Variants in HECW1 observed in about 807,000 individuals in gnomAD.
HECW1 encodes HECT, C2 and WW domain containing E3 ubiquitin protein ligase 1.
Under a neutral mutation model 182.3 loss-of-function variants are expected in HECW1, and 61 were observed. The ratio of observed to expected loss-of-function variants is 0.33; its 90% CI spans 0.27 to 0.41. The LOEUF (loss-of-function observed/expected upper bound fraction) is 0.41. Ranked by LOEUF, HECW1 falls within the 10% of genes least tolerant of loss-of-function variation. The pLI, the probability that HECW1 is intolerant of heterozygous loss-of-function variation, is 1.00. For synonymous variants in HECW1, 859 were observed against 832.6 expected (o/e 1.03, Z -0.55); for missense variants, 1,739 against 2,108.9 (o/e 0.82, Z 3.44).
chr7:43,433,842 A>G (rs1243038085), intron 8 of HECW1, among the ~76,000 whole-genome samples: 2 of 152,214 alleles, frequency 1.3e-5, no homozygotes, highest in African/African-American at 2.4e-5. Flanking sequence ...TGGCCCAAGC[A>G]TGTGTTACAG....
rs545560716 is a variant in HECW1, at chr7:43,234,318, C to T, written c.-31-9557C>T. On this transcript the variant is annotated intron_variant, in intron 2 of 29. Transcript: ENST00000395891. ...CTGCTCGCTGCCAGCCAGATCATGT[C>T]GCTTCCCCACTCAGGGCTCACCAGT... is the stretch of plus-strand genomic sequence containing the variant. 3.3e-5 allele frequency among the ~76,000 whole-genome samples: 5 copies of T among 152,310 alleles called. No homozygotes were observed. The South Asian group carries it at 1.0e-3, about 32-fold the overall frequency.
At chr7:43,325,471 T>C (rs1196868532) in intron 5 of HECW1, among the ~76,000 whole-genome samples, 1 of 152,122 alleles carries the variant, frequency 6.6e-6, no homozygotes, top group Non-Finnish European at 1.5e-5. Flanking sequence ...AAAGAAGGTA[T>C]CCTGTCTTGA....
chr7:43,501,405 G>T, intron 21 of HECW1, 83 bp downstream of exon 21: 1 of 745,182 alleles, frequency 1.3e-6, no homozygotes, highest in Non-Finnish European at 2.3e-6. Context: ...GCAACTGTAT[G>T]TGTGTGTTCT....
intron 2 of HECW1, among the ~76,000 whole-genome samples, chr7:43,197,333 A>G (rs1794553868): frequency 1.3e-5 from 2 of 152,080 alleles, no homozygotes; most frequent in Non-Finnish European, 2.9e-5. Flanking sequence ...ACACACTCAC[A>G]CAGAGAAACA....
intron 2 of HECW1, among the ~76,000 whole-genome samples, chr7:43,116,186 A>G (rs1785033371): frequency 6.6e-6 from 1 of 152,148 alleles, no homozygotes; most frequent in South Asian, 2.1e-4. Context: ...AAACAAAAAA[A>G]CACGTAGAGA....
At chr7:43,535,137 T>C (rs559528029) in intron 24 of HECW1, among the ~76,000 whole-genome samples, 1 of 152,274 alleles carries the variant, frequency 6.6e-6, no homozygotes, top group East Asian at 1.9e-4. Context: ...CCACAGCACA[T>C]TGCCTTCCTT....
chr7:43,140,015 G>A (rs1452429637), intron 2 of HECW1, among the ~76,000 whole-genome samples: 1 of 152,138 alleles, frequency 6.6e-6, no homozygotes, highest in Non-Finnish European at 1.5e-5. Context: ...GATAAGAAAT[G>A]TCTAATAAAG....
In HECW1 at chr7:43,344,065, GTGTC is replaced by G. The variant is rs1380496921; in HGVS notation, c.461-16817_461-16814del. 4.6e-5 allele frequency among the ~76,000 whole-genome samples: 7 copies of G among 151,808 alleles called. 1 individual carries two copies. Among genetic ancestry groups the G allele is most frequent in the African/African-American group, 1.7e-4 (7 of 41,082 alleles). ...CTGCATAAATGTCTTCTTTTGAGAAGTGTCTGTTCATATCCTTTGCCCACTTTTT... is the reference window on the plus strand; with the variant it reads ...CTGCATAAATGTCTTCTTTTGAGAAGTGTTCATATCCTTTGCCCACTTTTT... On this transcript the variant is annotated intron_variant, in intron 5 of 29. Transcript: ENST00000395891.
At chr7:43,114,043 T>G in intron 1 of HECW1, 114 bp from the exon 2 acceptor site, 2 of 405,120 alleles carry the variant, frequency 4.9e-6, no homozygotes, top group Non-Finnish European at 9.1e-6. Flanking sequence ...TGTGGGGATT[T>G]TCCTAGTTGC....
intron 6 of HECW1, among the ~76,000 whole-genome samples, chr7:43,370,188 A>T (rs971500953): frequency 6.6e-6 from 1 of 152,258 alleles, no homozygotes; most frequent in Non-Finnish European, 1.5e-5. Context: ...ACTTTTAAAA[A>T]TGGGCAAAAC....
chr7:43,364,091 G>A (rs1816312322), intron 6 of HECW1, among the ~76,000 whole-genome samples: 1 of 152,156 alleles, frequency 6.6e-6, no homozygotes, highest in Non-Finnish European at 1.5e-5. Flanking sequence ...GAGTTGCTGT[G>A]TATTGCCATT....
At chr7:43,447,238 G>A (rs2152880932) in intron 11 of HECW1, among the ~76,000 whole-genome samples, 1 of 151,902 alleles carries the variant, frequency 6.6e-6, no homozygotes, top group Non-Finnish European at 1.5e-5. Context: ...CTGTTTTAGT[G>A]CACAGTTTTT....
intron 5 of HECW1, among the ~76,000 whole-genome samples, chr7:43,323,099 T>A (rs995938526): frequency 1.3e-5 from 2 of 152,182 alleles, no homozygotes; most frequent in Admixed American, 6.5e-5. Flanking sequence ...CTCCTGACTA[T>A]CTCCTCATTT....
intron 29 of HECW1, among the ~76,000 whole-genome samples, chr7:43,557,467 G>A (rs1302179282): frequency 2.6e-5 from 4 of 152,260 alleles, no homozygotes; most frequent in East Asian, 1.9e-4. Context: ...AGGACTTTGA[G>A]GGTAGAGGCT....
rs3037095 is a variant in HECW1, at chr7:43,546,616, C to CA, written c.4249-3816dup. On this transcript the variant is annotated intron_variant, in intron 26 of 29. Transcript: ENST00000395891. ...GGTGGCCAAGGGCATTGTCCAATAT[C>CA]AAAAAAAAAAAAACAAACAAACTTT... 2.3e-3 allele frequency among the ~76,000 whole-genome samples: 319 copies of CA among 136,456 alleles called. 1 individual carries two copies. The highest frequency in any genetic ancestry group is 0.015 in the East Asian group (58 of 3,924). 89.5% of individuals were successfully genotyped at this position (136,456 alleles called of 152,430 possible).
intron 15 of HECW1, among the ~76,000 whole-genome samples, chr7:43,468,125 A>G (rs1011393564): frequency 9.9e-5 from 15 of 151,594 alleles, no homozygotes; most frequent in Non-Finnish European, 1.5e-4. Flanking sequence ...AACCCTGTGT[A>G]CCGTCACATT....
At chr7:43,192,087 G>A (rs1032515825) in intron 2 of HECW1, among the ~76,000 whole-genome samples, 1 of 151,954 alleles carries the variant, frequency 6.6e-6, no homozygotes, top group Non-Finnish European at 1.5e-5. Context: ...AGCCTCCTGA[G>A]TAGCTGGGAT....
chr7:43,338,100 G>A (rs1399412470), intron 5 of HECW1, among the ~76,000 whole-genome samples: 4 of 152,176 alleles, frequency 2.6e-5, no homozygotes, highest in African/African-American at 4.8e-5. Flanking sequence ...GAAACACAGA[G>A]ACCTACTCCA....
At chr7:43,378,719 T>C (rs1338084911) in intron 6 of HECW1, among the ~76,000 whole-genome samples, 1 of 151,846 alleles carries the variant, frequency 6.6e-6, no homozygotes, top group East Asian at 1.9e-4. Context: ...GGCATGAGAA[T>C]AGCTTGAACC....
Sources: allele counts gnomAD v4.1 joint callset (sites outside exome capture counted in the v4.1 genomes callset), GRCh38; gene constraint gnomAD v4.1.1; transcripts MANE v1.5; gene names NCBI Gene and HGNC (gene_info 2026-07-23, HGNC 2026-07-21).